ABHD11: variants seen among roughly 807,000 people sequenced by gnomAD.
ABHD11 encodes sn-1-specific diacylglycerol lipase ABHD11.
Under a neutral mutation model 29.0 loss-of-function variants are expected in ABHD11, and 26 were observed. That is an observed-to-expected ratio of 0.90 (90% CI 0.66 to 1.24). ABHD11 has a LOEUF of 1.24. Ranked by LOEUF, ABHD11 falls within the 50% of genes most tolerant of loss-of-function variation. The probability of loss-of-function intolerance (pLI) is 0.00; values close to 1 mark genes in which losing one functional copy is unlikely to be tolerated. For missense variants in ABHD11, 381 were observed against 422.4 expected, an observed-to-expected ratio of 0.90 and a Z score of 0.86; for synonymous variants, 169 against 166.4, an observed-to-expected ratio of 1.02 and a Z score of -0.12.
intron 2 of ABHD11, chr7:73,738,097 T>C (rs1800115208): frequency 1.2e-6 from 1 of 819,182 alleles, no homozygotes. Context: ...GGCCCCTTCA[T>C]GGAAAGGGTG....
rs147198994 is a variant in ABHD11, at chr7:73,737,249, G to T, written c.578C>A (p.Ala193Glu). 3.1e-6 allele frequency: 5 copies of T among 1,613,964 alleles called. No homozygotes were observed. In the African/African-American group the frequency reaches 6.7e-5, roughly 22 times the overall value. ...GATGACAGAACTGAGCTGTTCATCC[G>T]CCAGTTTTCGGGCACGGGAGCGGGG... ...ELPRSRARKL[A>E]DEQLSSVIQD... The change falls in exon 4 of 6, where the codon GCG becomes GAG. Residue 193 changes from alanine to glutamate, a missense_variant. Transcript: ENST00000222800.
Position 73,738,664 on chromosome 7 carries a change from C to A in ABHD11, c.107G>T (p.Arg36Leu), listed in dbSNP as rs1554622988. 1 of 1,594,912 alleles carries A rather than the reference C, an allele frequency of 6.3e-7. No individual in the cohort carries two copies. Residue 36 changes from arginine (R) to leucine (L), a missense_variant, in exon 1 of 6, where the codon CGA (arginine) becomes CTA (leucine). By Grantham distance (102) the Arg-to-Leu change is moderately radical (BLOSUM62 -2). Transcript: ENST00000222800. ...GACTGACCTCGGCTCGGCGCCCCCT[C>A]GGCCGCCGCTGCTGCTGCTGGGTGC... is the stretch of plus-strand genomic sequence containing the variant. ...PVAPSSSSGG[R>L]GGAEPRPLPL...
At position 73,737,055 on chromosome 7, in the gene ABHD11, A is replaced by G. The variant is rs782735052; in HGVS notation, c.662T>C (p.Phe221Ser). The G allele has an allele frequency of 2.8e-5, 45 of 1,613,930 alleles. 1 individual carries two copies. In the Admixed American group the frequency reaches 7.2e-4, roughly 26 times the overall value. ...GGCATCCAAGTTCACCCTCCACACGAAGCGCCCGTCTACCTCTACCAGGTT... is the reference window on the plus strand; with the variant it reads ...GGCATCCAAGTTCACCCTCCACACGGAGCGCCCGTCTACCTCTACCAGGTT... The part of the protein sequence containing the change: ...LTNLVEVDGR[F>S]VWRVNLDALT... Residue 221 changes from phenylalanine (F) to serine (S), a missense_variant, in exon 5 of 6, where the codon TTC (phenylalanine) becomes TCC (serine). Coordinates refer to ENST00000222800, the MANE Select transcript of ABHD11 (RefSeq NM_148912.4).
In ABHD11 at chr7:73,738,745, C is replaced by T; in HGVS notation, c.26G>A (p.Arg9Lys). The part of the protein sequence containing the change: MLRWTRAW[R>K]LPREGLGPHG... ...GGGGCCGAGTCCCTCACGCGGGAGCCTCCAGGCTCGGGTCCAGCGGAGCAT... is the reference window on the plus strand; with the variant it reads ...GGGGCCGAGTCCCTCACGCGGGAGCTTCCAGGCTCGGGTCCAGCGGAGCAT... The change falls in exon 1 of 6, where the codon AGG (arginine) becomes AAG (lysine). Residue 9 changes from arginine to lysine, a missense_variant. Physicochemically the swap from Arg to Lys is conservative, Grantham distance 26. Coordinates refer to ENST00000222800, the MANE Select transcript of ABHD11 (RefSeq NM_148912.4). 6.2e-7 allele frequency: 1 copy of T among 1,610,238 alleles called. No homozygotes were observed.
At chr7:73,736,765 C>T (rs1799925272) in intron 5 of ABHD11, 74 bp from the exon 6 acceptor site, 1 of 1,606,146 alleles carries the variant, frequency 6.2e-7, no homozygotes, top group Non-Finnish European at 8.5e-7. Context: ...CACGTGGAAG[C>T]AGAACGGGGA....
At chr7:73,736,879 G>T (rs562597161) in intron 5 of ABHD11, 50 bp downstream of exon 5, 28 of 1,591,564 alleles carry the variant, frequency 1.8e-5, no homozygotes, top group South Asian at 2.3e-5. Context: ...TCCCCAGGCT[G>T]GGGCCTGGGC....
chr7:73,737,466 ACTTGGTCAT>A lies in ABHD11; in HGVS notation c.436-84_436-76del. The A allele has an allele frequency of 3.8e-6, 6 of 1,565,642 alleles. No individual in the cohort carries two copies. The East Asian group carries it at 1.3e-4, about 35-fold the overall frequency. On this transcript the variant is annotated intron_variant, in intron 3 of 5. Transcript: ENST00000222800. The stretch of plus-strand genomic sequence containing the variant: ...CTCAGGCATGGCTCCTGGAGCCTGA[ACTTGGTCAT>A]CCAACGATCATGTGAGTCCCAGGTT...
At chr7:73,738,545 G>A in intron 1 of ABHD11, 82 bp from the exon 2 acceptor site, 3 of 1,565,968 alleles carry the variant, frequency 1.9e-6, no homozygotes, top group Non-Finnish European at 2.6e-6. Flanking sequence ...TGGGGGAGAG[G>A]CCTGGGAGGT....
chr7:73,736,721 CGGGTGAAAGTG>C, intron 5 of ABHD11, 30 bp from the exon 6 acceptor site: 1 of 1,612,676 alleles, frequency 6.2e-7, no homozygotes, highest in South Asian at 1.1e-5. Flanking sequence ...CCATCAAAAA[CGGGTGAAAGTG>C]GGATGAGGAG....
In ABHD11 at chr7:73,738,780, C is replaced by T. The variant is rs782520645; in HGVS notation, c.-10G>A. ...GGGTCCAGCGGAGCATGCTTGCAAG[C>T]TGTTGGCCGGCTCGCATCTCACAAG... is the stretch of plus-strand genomic sequence containing the variant. On this transcript the variant is annotated 5_prime_UTR_variant, in exon 1 of 6. Coordinates refer to ENST00000222800, the MANE Select transcript of ABHD11 (RefSeq NM_148912.4). 1 of 1,598,160 alleles carries T rather than the reference C, an allele frequency of 6.3e-7. No homozygotes were observed. The highest frequency in any genetic ancestry group is 2.2e-5 in the East Asian group (1 of 44,484).
Position 73,738,794 on chromosome 7 carries a change from G to A in ABHD11, c.-24C>T, listed in dbSNP as rs868996090. The A allele has an allele frequency of 3.1e-6, 5 of 1,589,392 alleles. No homozygotes were observed. The highest frequency in any genetic ancestry group is 1.7e-4 in the Middle Eastern group (1 of 5,900). ...ATGCTTGCAAGCTGTTGGCCGGCTC[G>A]CATCTCACAAGGTACGTCCTCCCCG... is the stretch of plus-strand genomic sequence containing the variant. On this transcript the variant is annotated 5_prime_UTR_variant, in exon 1 of 6. An upstream open reading frame in the 5' UTR gains an earlier in-frame stop. Coordinates refer to ENST00000222800, the MANE Select transcript of ABHD11 (RefSeq NM_148912.4).
chr7:73,737,271 G>C lies in ABHD11; in HGVS notation c.556C>G (p.Arg186Gly). The C allele has an allele frequency of 6.2e-7, 1 of 1,614,080 alleles. No individual in the cohort carries two copies. ...TCCGCCAGTTTTCGGGCACGGGAGC[G>C]GGGCAGCTCATCTGCGATGTTGATG... ...RAINIADELP[R>G]SRARKLADEQ... Residue 186 changes from arginine (R) to glycine (G), a missense_variant, in exon 4 of 6, where the codon CGC becomes GGC. Transcript: ENST00000222800.
chr7:73,738,698 C>A lies in ABHD11; in HGVS notation c.73G>T (p.Val25Leu), dbSNP rs782406072. ...LGPHGPSFAR[V>L]PVAPSSSSGG... ...CTGCTGCTGCTGGGTGCGACAGGCA[C>A]CCTCGCGAAGCTAGGGCCGTGGGGG... Residue 25 changes from valine to leucine, a missense_variant, in exon 1 of 6, where the codon GTG becomes TTG. Coordinates refer to ENST00000222800, the MANE Select transcript of ABHD11 (RefSeq NM_148912.4). The A allele has an allele frequency of 1.4e-4, 229 of 1,605,596 alleles. No homozygotes were observed. In the East Asian group the frequency reaches 5.1e-3, roughly 36 times the overall value.
intron 2 of ABHD11, chr7:73,738,069 A>G (rs782579268): frequency 1.3e-6 from 1 of 761,506 alleles, no homozygotes; most frequent in South Asian, 1.5e-5. Context: ...GCTCCCGGTC[A>G]TCCCTAGTGA....
chr7:73,737,238 G>GCTGTTCAT lies in ABHD11; in HGVS notation c.581_588dup (p.Leu197MetfsTer22), dbSNP rs782384761. The GCTGTTCAT allele has an allele frequency of 1.2e-6, 2 of 1,614,104 alleles. No individual in the cohort carries two copies. Among genetic ancestry groups the GCTGTTCAT allele is most frequent in the Non-Finnish European group, 1.7e-6 (2 of 1,180,040 alleles). On this transcript the variant is annotated frameshift_variant, in exon 4 of 6. Coordinates refer to ENST00000222800, the MANE Select transcript of ABHD11 (RefSeq NM_148912.4). LOFTEE classifies it high-confidence loss of function. ...TGTATCACCTGGATGACAGAACTGA[G>GCTGTTCAT]CTGTTCATCCGCCAGTTTTCGGGCA... is the stretch of plus-strand genomic sequence containing the variant.
Position 73,737,634 on chromosome 7 carries a change from C to G in ABHD11, c.363G>C (p.Leu121=). ...CAACGACGACGCAGGGCACCAGGCC[C>G]AGCTGGGGCAGAAGGTCCTGCAGGT... is the stretch of plus-strand genomic sequence containing the variant. ...SQDLQDLLPQ[L]GLVPCVVVGH... Residue 121 remains leucine (L), a synonymous_variant, in exon 3 of 6, where the codon CTG becomes CTC. Coordinates refer to ENST00000222800, the MANE Select transcript of ABHD11 (RefSeq NM_148912.4). The G allele has an allele frequency of 6.2e-7, 1 of 1,613,992 alleles. No individual in the cohort carries two copies.
rs782369226 is a variant in ABHD11, at chr7:73,736,231, G to T, written c.*328C>A. On this transcript the variant is annotated 3_prime_UTR_variant, in exon 6 of 6. Coordinates refer to ENST00000222800, the MANE Select transcript of ABHD11 (RefSeq NM_148912.4). ...GCAGAGACTTGAAGCCTGGGGTTTT[G>T]TGCCTCCTTTTTGTTTTGTTTTTTT... 1 of 471,268 alleles carries T rather than the reference G, an allele frequency of 2.1e-6. No homozygotes were observed. The highest frequency in any genetic ancestry group is 2.0e-5 in the African/African-American group (1 of 50,832). 29.2% of individuals were successfully genotyped at this position (471,268 alleles called of 1,614,324 possible).
Position 73,737,047 on chromosome 7 carries a change from T to G in ABHD11, c.670A>C (p.Arg224=), listed in dbSNP as rs901517537. 7 of 1,614,084 alleles carry G rather than the reference T, an allele frequency of 4.3e-6. No homozygotes were observed. Among genetic ancestry groups the G allele is most frequent in the Non-Finnish European group, 5.9e-6 (7 of 1,180,022 alleles). The part of the protein sequence containing the change: ...LVEVDGRFVW[R]VNLDALTQHL... Reference sequence around the variant, plus strand: ...TGGGTCAGGGCATCCAAGTTCACCCTCCACACGAAGCGCCCGTCTACCTCT... The same window carrying G: ...TGGGTCAGGGCATCCAAGTTCACCCGCCACACGAAGCGCCCGTCTACCTCT... Residue 224 remains arginine, a synonymous_variant, in exon 5 of 6, where the codon AGG becomes CGG. Transcript: ENST00000222800.
Position 73,738,443 on chromosome 7 carries a change from C to T in ABHD11, c.146G>A (p.Arg49Lys), listed in dbSNP as rs782164719. ...AEPRPLPLSY[R>K]LLDGEAALPA... The stretch of plus-strand genomic sequence containing the variant: ...GAGGGCTGCCTCCCCGTCCAGAAGC[C>T]TGTAGGAAAGCGGAAGCGGCCTGGC... The change falls in exon 2 of 6, where the codon AGG (arginine) becomes AAG (lysine). Residue 49 changes from arginine (R) to lysine (K), a missense_variant. Arg to Lys is a conservative substitution (Grantham distance 26). Transcript: ENST00000222800. 3 of 1,611,136 alleles carry T rather than the reference C, an allele frequency of 1.9e-6. No individual in the cohort carries two copies. Among genetic ancestry groups the T allele is most frequent in the Admixed American group, 3.4e-5 (2 of 59,440 alleles).
Sources: allele counts gnomAD v4.1 joint callset, GRCh38; gene constraint gnomAD v4.1.1; transcripts MANE v1.5; gene names NCBI Gene and HGNC (gene_info 2026-07-23, HGNC 2026-07-21).